The following YBEY variants were observed in gnomAD, a reference collection of about 807,000 sequenced individuals.
The protein encoded by YBEY is endoribonuclease YbeY.
Under a neutral mutation model 13.5 loss-of-function variants are expected in YBEY, and 15 were observed. The ratio of observed to expected loss-of-function variants is 1.11; its 90% CI spans 0.75 to 1.72. The LOEUF is 1.72. Among genes scored for constraint, YBEY ranks in the 40% most tolerant of loss-of-function variants. The probability of loss-of-function intolerance (pLI) is 0.00; values close to 1 mark genes in which losing one functional copy is unlikely to be tolerated. For missense variants in YBEY, 244 were observed against 208.4 expected, an observed-to-expected ratio of 1.17 and a Z score of -1.05; for synonymous variants, 101 against 83.1, an observed-to-expected ratio of 1.21 and a Z score of -1.17.
chr21:46,305,923 C>A, the YBEY span, among the ~76,000 whole-genome samples: 30 of 150,718 alleles, frequency 2.0e-4, no homozygotes, highest in Non-Finnish European at 3.8e-4. Context: ...GCCTGGCAGA[C>A]AGCGAGACTC....
At chr21:46,295,977 C>A (rs145473660) in intron 3 of YBEY, among the ~76,000 whole-genome samples, 185 bp from the exon 4 acceptor site, 2 of 152,276 alleles carry the variant, frequency 1.3e-5, no homozygotes, top group African/African-American at 2.4e-5. Context: ...AAGGGGCTTG[C>A]TTGCTTTCCA....
chr21:46,301,733 C>T, downstream of YBEY: 1 of 1,207,572 alleles, frequency 8.3e-7, no homozygotes, highest in Non-Finnish European at 1.0e-6. Flanking sequence ...AGGAGGGGTC[C>T]CTGGGAGGGG....
chr21:46,291,311 G>A, intron 2 of YBEY, 23 bp from the exon 3 acceptor site: 1 of 1,613,222 alleles, frequency 6.2e-7, no homozygotes, highest in East Asian at 2.2e-5. Context: ...TGTTCTCTAA[G>A]TCTACATTTC....
chr21:46,303,727 ATATATATATATATATATAT>A, the YBEY span, among the ~76,000 whole-genome samples: 2 of 26,616 alleles, frequency 7.5e-5, no homozygotes, highest in African/African-American at 3.2e-4. Context: ...ATATATATAT[ATATATATATATATATATAT>A]TTTTTTTTTT....
chr21:46,308,855 G>C, the YBEY span, among the ~76,000 whole-genome samples: 1 of 152,152 alleles, frequency 6.6e-6, no homozygotes, highest in Non-Finnish European at 1.5e-5. Flanking sequence ...TTTATAATAA[G>C]AGGAAGAGTG....
chr21:46,297,737 CTCT>C lies in YBEY; in HGVS notation c.*105_*107del, dbSNP rs1311365688. The C allele has an allele frequency of 1.3e-5, 16 of 1,248,810 alleles. No homozygotes were observed. Among genetic ancestry groups the C allele is most frequent in the Admixed American group, 4.2e-5 (1 of 23,740 alleles). 77.4% of individuals were successfully genotyped at this position (1,248,810 alleles called of 1,614,324 possible). ...CGAATGAACGTACGAGGGGAACCTC[CTCT>C]TATTTCCTTCACGTTGCATCGGGTA... On this transcript the variant is annotated 3_prime_UTR_variant, in exon 5 of 5. Transcript: ENST00000397701.
downstream of YBEY, chr21:46,300,845 C>G (rs1477325236): frequency 1.7e-6 from 2 of 1,162,608 alleles, no homozygotes; most frequent in Non-Finnish European, 2.2e-6. Context: ...AATATGTAAA[C>G]AACATTAAAA....
At chr21:46,301,812 T>C, downstream of YBEY, 3 of 1,256,990 alleles carry the variant, frequency 2.4e-6, no homozygotes, top group Non-Finnish European at 3.0e-6. Flanking sequence ...CCCCCTGGAA[T>C]GGCCCCGTGA....
In YBEY at chr21:46,286,384, G is replaced by C. The variant is rs2081430037; in HGVS notation, c.-76G>C. The C allele has an allele frequency of 6.5e-6, 1 of 153,214 alleles. No homozygotes were observed. The highest frequency in any genetic ancestry group is 1.5e-5 in the Non-Finnish European group (1 of 68,772). 9.5% of individuals were successfully genotyped at this position (153,214 alleles called of 1,614,324 possible). ...GGCTTCCGGTCGGGAGGGTCCGCCC[G>C]CTCTCGCGTCCTTTGCTGGGTCCAG... On this transcript the variant is annotated 5_prime_UTR_variant, in exon 1 of 5. Coordinates refer to ENST00000397701, the MANE Select transcript of YBEY (RefSeq NM_001314025.2).
chr21:46,303,572 C>G, the YBEY span, among the ~76,000 whole-genome samples: 1 of 149,706 alleles, frequency 6.7e-6, no homozygotes, highest in African/African-American at 2.5e-5. Flanking sequence ...GCCAATAAGG[C>G]CAGGCACGGT....
At chr21:46,300,807 G>T, downstream of YBEY, 1 of 1,285,912 alleles carries the variant, frequency 7.8e-7, no homozygotes, top group Non-Finnish European at 1.0e-6. Context: ...AATAGGGGGT[G>T]AATGAAAGTT....
In YBEY at chr21:46,286,942, G is replaced by A. The variant is rs770568863; in HGVS notation, c.29G>A (p.Arg10Gln). 1.1e-5 allele frequency: 18 copies of A among 1,613,928 alleles called. No homozygotes were observed. The South Asian group carries it at 1.6e-4, about 15-fold the overall frequency. ...AGTTTGGTGATTAGAAATCTGCAGC[G>A]AGTCATCCCCATCAGGAGAGCGCCA... MSLVIRNLQ[R>Q]VIPIRRAPLR... The change falls in exon 2 of 5, where the codon CGA becomes CAA. Residue 10 changes from arginine to glutamine, a missense_variant. Arg to Gln is a conservative substitution (Grantham distance 43). Transcript: ENST00000397701.
chr21:46,310,266 C>T, the YBEY span, among the ~76,000 whole-genome samples: 1 of 151,916 alleles, frequency 6.6e-6, no homozygotes, highest in African/African-American at 2.4e-5. Context: ...TGCCTGAGGT[C>T]AGGAGTTCGA....
downstream of YBEY, chr21:46,301,937 C>A: frequency 7.0e-7 from 1 of 1,432,122 alleles, no homozygotes; most frequent in Non-Finnish European, 9.1e-7. Flanking sequence ...CCGCCACAGC[C>A]CACAGCCCTG....
At chr21:46,304,332 C>T in the YBEY span, among the ~76,000 whole-genome samples, 16,267 of 151,742 alleles carry the variant, frequency 0.11, 2,509 homozygotes, top group African/African-American at 0.34. Context: ...GCCTGCCCTA[C>T]ACAAAATTTT....
Position 46,297,569 on chromosome 21 carries a change from G to A in YBEY, c.439G>A (p.Glu147Lys). ...MFQKEKAVLD[E>K]LGRRTGTRLQ... ...CCAGAAGGAGAAGGCGGTGCTGGAC[G>A]AGCTGGGCCGACGCACGGGGACCCG... The change falls in exon 5 of 5, where the codon GAG becomes AAG. Residue 147 changes from glutamate (E) to lysine (K), a missense_variant. By Grantham distance (56) the Glu-to-Lys change is moderately conservative. Coordinates refer to ENST00000397701, the MANE Select transcript of YBEY (RefSeq NM_001314025.2). 2.2e-6 allele frequency: 3 copies of A among 1,393,224 alleles called. No individual in the cohort carries two copies. The highest frequency in any genetic ancestry group is 3.0e-5 in the East Asian group (1 of 33,542). 86.3% of individuals were successfully genotyped at this position (1,393,224 alleles called of 1,614,324 possible).
the YBEY span, among the ~76,000 whole-genome samples, chr21:46,304,317 A>C: frequency 6.6e-6 from 1 of 151,982 alleles, no homozygotes; most frequent in African/African-American, 2.4e-5. Context: ...GGCGTGAGCC[A>C]CTGCGCCTGC....
At chr21:46,294,363 C>CTT (rs1569101717) in intron 3 of YBEY, among the ~76,000 whole-genome samples, 35 of 66,380 alleles carry the variant, frequency 5.3e-4, no homozygotes, top group East Asian at 1.2e-3. Flanking sequence ...ATTCCTCCCG[C>CTT]GGTTAGCCTG....
chr21:46,289,750 C>T (rs1013090277), intron 2 of YBEY, among the ~76,000 whole-genome samples: 8 of 152,066 alleles, frequency 5.3e-5, no homozygotes, highest in South Asian at 2.1e-4. Flanking sequence ...CACTGAGCCC[C>T]GCCTGGCAAA....
Sources: allele counts gnomAD v4.1 joint callset (sites outside exome capture counted in the v4.1 genomes callset), GRCh38; gene constraint gnomAD v4.1.1; transcripts MANE v1.5; gene names NCBI Gene and HGNC (gene_info 2026-07-23, HGNC 2026-07-21).